The following KCNIP4 variants were observed in gnomAD, a reference collection of about 807,000 sequenced individuals.
KCNIP4 encodes the protein Kv channel-interacting protein 4.
A neutral mutation model predicts 34.0 loss-of-function variants in KCNIP4; 12 were observed. The observed-to-expected ratio is 0.35, with a 90% CI of 0.23 to 0.57. The LOEUF is 0.57. KCNIP4 is among the 20% of genes least tolerant of loss of function. The pLI, the probability that KCNIP4 is intolerant of heterozygous loss-of-function variation, is 0.83. For missense variants in KCNIP4, 238 were observed against 311.7 expected, an observed-to-expected ratio of 0.76 and a Z score of 1.78; for synonymous variants, 124 against 102.2, an observed-to-expected ratio of 1.21 and a Z score of -1.29.
At chr4:21,777,707 AT>A (rs1719275874) in intron 1 of KCNIP4, among the ~76,000 whole-genome samples, 1 of 152,234 alleles carries the variant, frequency 6.6e-6, no homozygotes, top group Non-Finnish European at 1.5e-5. Flanking sequence ...TTATAGGCAA[AT>A]AAATATATAC....
chr4:21,235,590 C>T (rs1288039956), intron 1 of KCNIP4, among the ~76,000 whole-genome samples: 5 of 152,186 alleles, frequency 3.3e-5, no homozygotes, highest in Non-Finnish European at 7.3e-5. Flanking sequence ...CCCACTCCGT[C>T]CTTCTCTACT....
chr4:21,531,232 G>A (rs916614934), intron 1 of KCNIP4, among the ~76,000 whole-genome samples: 27 of 151,992 alleles, frequency 1.8e-4, no homozygotes, highest in African/African-American at 6.5e-4. Context: ...AATTAGAGGG[G>A]TGACAGAGGA....
At chr4:21,882,944 T>C (rs1055177260) in intron 1 of KCNIP4, among the ~76,000 whole-genome samples, 2 of 152,158 alleles carry the variant, frequency 1.3e-5, no homozygotes, top group Admixed American at 1.3e-4. Context: ...TTTTAATACC[T>C]GATTATTTTT....
intron 1 of KCNIP4, among the ~76,000 whole-genome samples, chr4:21,823,599 C>T (rs1209103654): frequency 3.3e-5 from 5 of 151,746 alleles, no homozygotes; most frequent in Non-Finnish European, 7.4e-5. Context: ...TTGCTCCCCA[C>T]CCCAAATACA....
intron 1 of KCNIP4, among the ~76,000 whole-genome samples, chr4:21,548,223 T>C (rs902946268): frequency 9.2e-5 from 14 of 152,132 alleles, no homozygotes; most frequent in African/African-American, 2.9e-4. Context: ...AAAATGTTTA[T>C]ATTCTGCAGC....
chr4:21,813,750 A>G (rs1721802850), intron 1 of KCNIP4, among the ~76,000 whole-genome samples: 1 of 152,186 alleles, frequency 6.6e-6, no homozygotes, highest in African/African-American at 2.4e-5. Context: ...TCTCACATCA[A>G]ATGCAGTAAG....
chr4:21,155,339 C>T (rs876478), intron 1 of KCNIP4, among the ~76,000 whole-genome samples: 53,614 of 152,010 alleles, frequency 0.35, 9,640 homozygotes, highest in African/African-American at 0.41. Context: ...TGCCAAGGAA[C>T]CTTAGAAGAC....
chr4:20,853,221 T>C (rs561030510), intron 2 of KCNIP4, among the ~76,000 whole-genome samples: 3 of 152,104 alleles, frequency 2.0e-5, no homozygotes, highest in Non-Finnish European at 2.9e-5. Flanking sequence ...GGAGGCATCA[T>C]ACTACCTGAT....
intron 1 of KCNIP4, among the ~76,000 whole-genome samples, chr4:21,732,158 C>G (rs1164644910): frequency 1.3e-5 from 2 of 151,770 alleles, no homozygotes; most frequent in African/African-American, 4.8e-5. Context: ...GTAATGTGCC[C>G]AGTAATGAGA....
chr4:21,762,224 A>G (rs1296411444), intron 1 of KCNIP4, among the ~76,000 whole-genome samples: 1 of 152,154 alleles, frequency 6.6e-6, no homozygotes, highest in African/African-American at 2.4e-5. Context: ...TCAACTCAAT[A>G]TATTCAAAAT....
chr4:21,408,286 C>CA (rs1359399625), intron 1 of KCNIP4, among the ~76,000 whole-genome samples: 1 of 152,120 alleles, frequency 6.6e-6, no homozygotes, highest in African/African-American at 2.4e-5. Flanking sequence ...TTATGCCCTC[C>CA]AAGGAAAACT....
At chr4:20,982,213 A>T (rs909474884) in intron 1 of KCNIP4, among the ~76,000 whole-genome samples, 3 of 152,202 alleles carry the variant, frequency 2.0e-5, no homozygotes, top group Admixed American at 6.5e-5. Context: ...ACATTTGTGG[A>T]GGTTGTCCTT....
At chr4:20,979,916 T>G (rs1247970352) in intron 1 of KCNIP4, among the ~76,000 whole-genome samples, 1 of 152,186 alleles carries the variant, frequency 6.6e-6, no homozygotes, top group Admixed American at 6.5e-5. Flanking sequence ...ACGAGCCATA[T>G]CCAATTCACG....
In KCNIP4 at chr4:21,252,756, CTTTTTTTTT is replaced by C. The variant is rs5856614; in HGVS notation, c.62-370056_62-370048del. ...TCCATCTTTCCCTTTGGCAAATCCT[CTTTTTTTTT>C]TTTTTTTTTGTCGTAAGTATTACAT... is the stretch of plus-strand genomic sequence containing the variant. On this transcript the variant is annotated intron_variant, in intron 1 of 8. Transcript: ENST00000382152. 3.0e-5 allele frequency among the ~76,000 whole-genome samples: 4 copies of C among 132,264 alleles called. No homozygotes were observed. The South Asian group carries it at 7.5e-4, about 25-fold the overall frequency. 86.8% of individuals were successfully genotyped at this position (132,264 alleles called of 152,430 possible).
chr4:21,185,132 A>G lies in KCNIP4; in HGVS notation c.62-302423T>C, dbSNP rs115075054. On this transcript the variant is annotated intron_variant, in intron 1 of 8. Coordinates refer to ENST00000382152, the MANE Select transcript of KCNIP4 (RefSeq NM_025221.6). ...CACTTCACTTTTGGTTTAGACTTTT[A>G]AAACAATGTTTCATACTATCTAATA... 3.1e-3 allele frequency among the ~76,000 whole-genome samples: 471 copies of G among 152,324 alleles called. 4 individuals are homozygous for G. Among genetic ancestry groups the G allele is most frequent in the Middle Eastern group, 0.01 (3 of 294 alleles).
At chr4:21,570,539 A>G (rs1396768713) in intron 1 of KCNIP4, among the ~76,000 whole-genome samples, 1 of 152,158 alleles carries the variant, frequency 6.6e-6, no homozygotes, top group Non-Finnish European at 1.5e-5. Flanking sequence ...TAAGTCTAAA[A>G]AGGGAGGACA....
chr4:21,348,920 T>C (rs962325560), intron 1 of KCNIP4, among the ~76,000 whole-genome samples: 2 of 152,076 alleles, frequency 1.3e-5, no homozygotes, highest in Non-Finnish European at 2.9e-5. Context: ...TGGGTTTTGA[T>C]AGTTTGGTTG....
rs1052513482 is a variant in KCNIP4, at chr4:21,368,386, G to A, written c.62-485677C>T. On this transcript the variant is annotated intron_variant, in intron 1 of 8. Coordinates refer to ENST00000382152, the MANE Select transcript of KCNIP4 (RefSeq NM_025221.6). ...ATTTAGAAAATCGTATCTAATACAC[G>A]TGCTTATGTAAGGGAGACATACACT... Among the ~76,000 whole-genome samples the A allele has an allele frequency of 1.4e-4, 20 of 147,052 alleles. 3 individuals are homozygous for A. Among genetic ancestry groups the A allele is most frequent in the African/African-American group, 4.9e-4 (18 of 36,776 alleles).
At chr4:20,820,378 G>T (rs1372742137) in intron 3 of KCNIP4, among the ~76,000 whole-genome samples, 1 of 152,188 alleles carries the variant, frequency 6.6e-6, no homozygotes, top group African/African-American at 2.4e-5. Context: ...GTATTTGGTG[G>T]AAGAAACTGC....
Sources: gnomAD v4.1 joint callset for allele counts (sites outside exome capture counted in the v4.1 genomes callset) on GRCh38, gnomAD v4.1.1 for gene constraint, MANE v1.5 for transcripts, NCBI Gene and HGNC (gene_info 2026-07-23, HGNC 2026-07-21) for gene names.